Variants in FBXL5 observed in about 807,000 individuals in gnomAD.
FBXL5 encodes F-box and leucine rich repeat protein 5, also known as F-box/LRR-repeat protein 5.
FBXL5 carries 26 observed loss-of-function variants against 78.3 expected under a neutral mutation model. That is an observed-to-expected ratio of 0.33 (90% CI 0.24 to 0.46). The LOEUF is 0.46. Ranked by LOEUF, FBXL5 falls within the 20% of genes least tolerant of loss-of-function variation. The pLI is 1.00. For synonymous variants in FBXL5, 295 were observed against 282.5 expected, an observed-to-expected ratio of 1.04 and a Z score of -0.45; for missense variants, 710 against 829.2, an observed-to-expected ratio of 0.86 and a Z score of 1.77.
intron 2 of FBXL5, chr4:15,641,423 G>A (rs1045598431): frequency 2.8e-6 from 1 of 354,612 alleles, no homozygotes; most frequent in Non-Finnish European, 5.4e-6. Flanking sequence ...AAGACAATGA[G>A]GATAAAGACA....
chr4:15,638,286 C>T (rs1714493017), intron 4 of FBXL5, among the ~76,000 whole-genome samples: 1 of 152,190 alleles, frequency 6.6e-6, no homozygotes, highest in African/African-American at 2.4e-5. Context: ...AAACACTACA[C>T]TGAATATGTC....
chr4:15,614,678 A>G (rs1711592776), intron 9 of FBXL5, among the ~76,000 whole-genome samples: 1 of 152,144 alleles, frequency 6.6e-6, no homozygotes, highest in African/African-American at 2.4e-5. Context: ...TTCCCAGGCC[A>G]GTGGAGTTAT....
upstream of FBXL5, among the ~76,000 whole-genome samples, chr4:15,655,981 G>A (rs964427276): frequency 3.3e-5 from 5 of 152,252 alleles, no homozygotes; most frequent in Non-Finnish European, 4.4e-5. Flanking sequence ...CTGGGTGCGA[G>A]GGGCGGGGCA....
At chr4:15,618,351 A>T (rs1196442499) in intron 9 of FBXL5, among the ~76,000 whole-genome samples, 1 of 152,140 alleles carries the variant, frequency 6.6e-6, no homozygotes, top group African/African-American at 2.4e-5. Flanking sequence ...GGGCAACACA[A>T]TGAGACTAAA....
At chr4:15,679,094 C>T (rs1355185252) in intron 1 of FBXL5, among the ~76,000 whole-genome samples, 1 of 136,188 alleles carries the variant, frequency 7.3e-6, no homozygotes, top group Admixed American at 8.0e-5. Context: ...GAGACGGAGT[C>T]TCACTCTCAC....
chr4:15,632,975 T>C (rs1040869911), intron 5 of FBXL5, among the ~76,000 whole-genome samples: 2 of 152,212 alleles, frequency 1.3e-5, no homozygotes, highest in Non-Finnish European at 2.9e-5. Flanking sequence ...GGCATCCTTG[T>C]CTTGTGTCAG....
chr4:15,628,885 T>C (rs1194855072), intron 6 of FBXL5, among the ~76,000 whole-genome samples: 1 of 152,098 alleles, frequency 6.6e-6, no homozygotes, highest in African/African-American at 2.4e-5. Flanking sequence ...TTTGTTTCTG[T>C]GGCCCTCACT....
At chr4:15,661,418 A>C (rs558277143), upstream of FBXL5, among the ~76,000 whole-genome samples, 1 of 152,332 alleles carries the variant, frequency 6.6e-6, no homozygotes, top group South Asian at 2.1e-4. Flanking sequence ...CATGGGAAGC[A>C]CTAAATGTTA....
At chr4:15,645,722 C>T (rs1413243382) in intron 1 of FBXL5, among the ~76,000 whole-genome samples, 1 of 152,144 alleles carries the variant, frequency 6.6e-6, no homozygotes, top group Non-Finnish European at 1.5e-5. Context: ...CTACCACGCC[C>T]GGCCTACTTT....
upstream of FBXL5, among the ~76,000 whole-genome samples, chr4:15,660,934 G>A (rs776507096): frequency 1.7e-4 from 26 of 151,960 alleles, no homozygotes; most frequent in South Asian, 8.3e-4. Flanking sequence ...AAAATTAGCC[G>A]GGCATGGTGG....
At position 15,641,627 on chromosome 4, in the gene FBXL5, G is replaced by T. The variant is rs1482926354; in HGVS notation, c.301-744C>A. ...TAAGGCTTCCAGTCAACAGTAGTAGGCTGTAAGTAAAGTTTTGAGAGATTC... is the reference window on the plus strand; with the variant it reads ...TAAGGCTTCCAGTCAACAGTAGTAGTCTGTAAGTAAAGTTTTGAGAGATTC... On this transcript the variant is annotated intron_variant, in intron 2 of 10. Transcript: ENST00000341285. The T allele has an allele frequency of 1.1e-5, 5 of 455,338 alleles. No individual in the cohort carries two copies. The East Asian group carries it at 3.5e-4, about 32-fold the overall frequency. The allele number at this position is 455,338 out of a possible 1,614,324, so 28.2% of individuals were successfully genotyped here.
chr4:15,655,173 GC>G, intron 1 of FBXL5, 30 bp downstream of exon 1: 1 of 1,362,944 alleles, frequency 7.3e-7, no homozygotes, highest in East Asian at 3.4e-5. Flanking sequence ...CGCCCGCACC[GC>G]CCACAGCGGG....
intron 9 of FBXL5, among the ~76,000 whole-genome samples, chr4:15,622,041 C>T (rs993908463): frequency 4.6e-5 from 7 of 152,108 alleles, no homozygotes; most frequent in Non-Finnish European, 1.0e-4. Flanking sequence ...CCATGTTGCC[C>T]GGGCTGGTCT....
chr4:15,643,819 A>G (rs777894677), intron 2 of FBXL5, among the ~76,000 whole-genome samples: 3 of 152,254 alleles, frequency 2.0e-5, no homozygotes, highest in Non-Finnish European at 2.9e-5. Flanking sequence ...CTTTCCTTTA[A>G]GAATTCAGCA....
upstream of FBXL5, chr4:15,655,436 G>A (rs1212549056): frequency 2.0e-6 from 2 of 984,026 alleles, no homozygotes; most frequent in Non-Finnish European, 1.2e-6. Context: ...GGGGACGCGG[G>A]GGCGCGCAGG....
intron 1 of FBXL5, among the ~76,000 whole-genome samples, chr4:15,649,852 GA>G (rs1715768533): frequency 6.6e-6 from 1 of 152,012 alleles, no homozygotes; most frequent in Admixed American, 6.6e-5. Context: ...CTAACAAACA[GA>G]GTCTCAGGAA....
At chr4:15,639,920 T>C (rs1031855072) in intron 3 of FBXL5, among the ~76,000 whole-genome samples, 4 of 152,238 alleles carry the variant, frequency 2.6e-5, no homozygotes, top group African/African-American at 9.6e-5. Context: ...CATAAAATAA[T>C]TTATCTATTT....
Position 15,678,829 on chromosome 4 carries a change from G to A in FBXL5, c.-284+2554C>T, listed in dbSNP as rs186267574. On this transcript the variant is annotated intron_variant, in intron 1 of 4. Transcript: ENST00000507899. ...TTTCTCATTATCTTCCTTCTGTTTG[G>A]TGAAATGATGTAATAAACTGCTGCA... Among the ~76,000 whole-genome samples the A allele has an allele frequency of 3.9e-5, 6 of 152,034 alleles. No homozygotes were observed. In the East Asian group the frequency reaches 1.2e-3, roughly 29 times the overall value.
intron 1 of FBXL5, among the ~76,000 whole-genome samples, chr4:15,673,413 C>A: frequency 6.6e-6 from 1 of 152,094 alleles, no homozygotes; most frequent in African/African-American, 2.4e-5. Context: ...TCTACTCCAC[C>A]CTGGGCAACA....
Sources: allele counts gnomAD v4.1 joint callset (sites outside exome capture counted in the v4.1 genomes callset), GRCh38; gene constraint gnomAD v4.1.1; transcripts MANE v1.5; gene names NCBI Gene and HGNC (gene_info 2026-07-23, HGNC 2026-07-21).